Variants in GRIN2B observed in about 807,000 individuals in gnomAD.
The protein encoded by GRIN2B is glutamate ionotropic receptor NMDA type subunit 2B, also known as glutamate receptor ionotropic, NMDA 2B.
GRIN2B carries 5 observed loss-of-function variants against 114.5 expected under a neutral mutation model. The ratio of observed to expected loss-of-function variants is 0.04; its 90% confidence interval spans 0.02 to 0.09. The LOEUF (loss-of-function observed/expected upper bound fraction) is 0.09. Ranked by LOEUF, GRIN2B falls within the 10% of genes least tolerant of loss-of-function variation. GRIN2B has a pLI of 1.00. For synonymous variants in GRIN2B, 787 were observed against 745.1 expected (o/e 1.06, Z -0.92); for missense variants, 1,108 against 1,943.5 (o/e 0.57, Z 8.08).
intron 2 of GRIN2B, among the ~76,000 whole-genome samples, chr12:13,960,063 T>C (rs1867663642): frequency 1.3e-5 from 2 of 152,082 alleles, no homozygotes; most frequent in Non-Finnish European, 2.9e-5. Context: ...TCATTCTTCA[T>C]TTTCAAGGGC....
chr12:13,932,991 G>GCA (rs1206167413), intron 2 of GRIN2B, among the ~76,000 whole-genome samples: 4 of 148,662 alleles, frequency 2.7e-5, no homozygotes, highest in African/African-American at 1.0e-4. Flanking sequence ...GTGTGTGCGT[G>GCA]TGCGTGTGTG....
At chr12:13,841,137 T>C (rs1865371378) in intron 3 of GRIN2B, among the ~76,000 whole-genome samples, 1 of 152,306 alleles carries the variant, frequency 6.6e-6, no homozygotes, top group East Asian at 1.9e-4. Context: ...GAAGTTATGT[T>C]GGGTTTTGTA....
chr12:13,729,405 CTCTG>C (rs1863044829), intron 4 of GRIN2B, among the ~76,000 whole-genome samples: 1 of 152,132 alleles, frequency 6.6e-6, no homozygotes, highest in African/African-American at 2.4e-5. Flanking sequence ...TTATGTAGCT[CTCTG>C]TCTGTCTTAG....
chr12:13,832,474 G>A (rs944951084), intron 3 of GRIN2B, among the ~76,000 whole-genome samples: 2 of 152,108 alleles, frequency 1.3e-5, no homozygotes, highest in Non-Finnish European at 1.5e-5. Context: ...CCACTGGATG[G>A]GAGTTTGAAG....
Position 13,628,271 on chromosome 12 carries a change from C to T in GRIN2B, c.1126-11614G>A, listed in dbSNP as rs566233101. ...GATGAAAGACACTGAGTGGAAACAGCGCCACCATGCAGAAGGCACCAGGTT... is the reference window on the plus strand; with the variant it reads ...GATGAAAGACACTGAGTGGAAACAGTGCCACCATGCAGAAGGCACCAGGTT... On this transcript the variant is annotated intron_variant, in intron 5 of 13. Transcript: ENST00000609686. 1.4e-4 allele frequency among the ~76,000 whole-genome samples: 21 copies of T among 152,200 alleles called. No individual in the cohort carries two copies. In the South Asian group the frequency reaches 2.1e-3, roughly 15 times the overall value.
chr12:13,612,399 A>G (rs1949377692), intron 8 of GRIN2B, among the ~76,000 whole-genome samples: 1 of 152,196 alleles, frequency 6.6e-6, no homozygotes, highest in African/African-American at 2.4e-5. Flanking sequence ...CCTAGCCTAG[A>G]TTCACTTTTT....
At chr12:13,877,281 A>C (rs980116499) in intron 2 of GRIN2B, among the ~76,000 whole-genome samples, 1 of 152,100 alleles carries the variant, frequency 6.6e-6, no homozygotes, top group Non-Finnish European at 1.5e-5. Context: ...ACTATACCTC[A>C]AAGAGAGCCC....
chr12:13,736,897 T>C (rs1178251823), intron 4 of GRIN2B, among the ~76,000 whole-genome samples: 1 of 151,728 alleles, frequency 6.6e-6, no homozygotes, highest in Non-Finnish European at 1.5e-5. Context: ...GGTGCGTGCC[T>C]GTAGCGCCTA....
chr12:13,565,008 C>G (rs748300091), intron 13 of GRIN2B, among the ~76,000 whole-genome samples: 1 of 152,128 alleles, frequency 6.6e-6, no homozygotes, highest in Non-Finnish European at 1.5e-5. Flanking sequence ...TGATATCAAC[C>G]CATAGCAAAA....
intron 4 of GRIN2B, among the ~76,000 whole-genome samples, chr12:13,747,487 T>C (rs1280246900): frequency 2.0e-5 from 3 of 152,222 alleles, no homozygotes; most frequent in African/African-American, 7.2e-5. Flanking sequence ...TTTCCCAACT[T>C]ATATATCCTT....
At chr12:13,882,521 A>G (rs1435581249) in intron 2 of GRIN2B, among the ~76,000 whole-genome samples, 1 of 152,176 alleles carries the variant, frequency 6.6e-6, no homozygotes, top group African/African-American at 2.4e-5. Context: ...TGTGACCTTA[A>G]GCACATCATT....
intron 4 of GRIN2B, among the ~76,000 whole-genome samples, chr12:13,749,292 CT>C (rs763063338): frequency 2.0e-5 from 3 of 152,216 alleles, no homozygotes; most frequent in Admixed American, 6.5e-5. Flanking sequence ...GACTTAGGAA[CT>C]TTCCCCACGT....
intron 3 of GRIN2B, among the ~76,000 whole-genome samples, chr12:13,761,138 C>T (rs1205888486): frequency 6.6e-6 from 1 of 152,168 alleles, no homozygotes; most frequent in Non-Finnish European, 1.5e-5. Flanking sequence ...CAAAGGAGAA[C>T]ATTCTGAGTT....
intron 3 of GRIN2B, among the ~76,000 whole-genome samples, chr12:13,825,496 T>TTTTTTTTTTGTGTGTGTG (rs375940899): frequency 2.4e-5 from 3 of 122,994 alleles, no homozygotes; most frequent in African/African-American, 9.4e-5. Context: ...TATATATATT[T>TTTTTTTTTTGTGTGTGTG]TGTGTGTGTG....
chr12:13,571,992 G>T, intron 10 of GRIN2B, 28 bp from the exon 11 acceptor site: 1 of 1,573,070 alleles, frequency 6.4e-7, no homozygotes, highest in Non-Finnish European at 8.7e-7. Context: ...GATAGAGACA[G>T]AGCGGGAGAT....
At position 13,927,024 on chromosome 12, in the gene GRIN2B, TC is replaced by T. The variant is rs750573079; in HGVS notation, c.-19+52903del. On this transcript the variant is annotated intron_variant, in intron 2 of 13. Coordinates refer to ENST00000609686, the MANE Select transcript of GRIN2B (RefSeq NM_000834.5). ...AGGGGATGTAAATGTGTATGGAAAT[TC>T]AGGAACCAGGATACATGGCTGAGAG... Among the ~76,000 whole-genome samples the T allele has an allele frequency of 1.2e-4, 18 of 151,670 alleles. No homozygotes were observed. In the South Asian group the frequency reaches 2.5e-3, roughly 21 times the overall value.
intron 3 of GRIN2B, among the ~76,000 whole-genome samples, chr12:13,860,794 A>G (rs1444734459): frequency 1.3e-5 from 2 of 152,186 alleles, no homozygotes; most frequent in Non-Finnish European, 2.9e-5. Flanking sequence ...TTTACTCAGC[A>G]TACCCTTTTC....
At chr12:13,939,719 G>A (rs934497016) in intron 2 of GRIN2B, among the ~76,000 whole-genome samples, 2 of 151,608 alleles carry the variant, frequency 1.3e-5, no homozygotes, top group Admixed American at 1.3e-4. Context: ...GTTAATTTTT[G>A]TATCATTTTT....
intron 3 of GRIN2B, among the ~76,000 whole-genome samples, chr12:13,846,461 A>G (rs1865474957): frequency 6.6e-6 from 1 of 152,180 alleles, no homozygotes; most frequent in Admixed American, 6.5e-5. Context: ...GCTTTGACAA[A>G]TGAGGTTGAG....
Sources: allele counts gnomAD v4.1 joint callset (sites outside exome capture counted in the v4.1 genomes callset), GRCh38; gene constraint gnomAD v4.1.1; transcripts MANE v1.5; gene names NCBI Gene and HGNC (gene_info 2026-07-23, HGNC 2026-07-21).